Variants in DCAF4 observed in about 807,000 individuals in gnomAD.
DCAF4 encodes DDB1- and CUL4-associated factor 4.
In DCAF4, 37 loss-of-function variants were observed where a neutral mutation model predicts 60.9. The ratio of observed to expected loss-of-function variants is 0.61; its 90% CI spans 0.47 to 0.80. The LOEUF (loss-of-function observed/expected upper bound fraction) is 0.80, where lower values mean the gene tolerates loss of function less well. DCAF4 is among the 30% of genes least tolerant of loss of function. DCAF4 has a pLI of 0.00. For missense variants in DCAF4, 577 were observed against 650.0 expected, an observed-to-expected ratio of 0.89 and a Z score of 1.22; for synonymous variants, 243 against 254.8, an observed-to-expected ratio of 0.95 and a Z score of 0.44.
At chr14:72,956,343 C>A in intron 12 of DCAF4, 43 bp from the exon 13 acceptor site, 1 of 1,492,698 alleles carries the variant, frequency 6.7e-7, no homozygotes, top group Non-Finnish European at 9.0e-7. Context: ...CACCATGGTA[C>A]CCCCTGGCCC....
intron 2 of DCAF4, among the ~76,000 whole-genome samples, 195 bp from the exon 3 acceptor site, chr14:72,939,607 A>G (rs1889749177): frequency 6.6e-6 from 1 of 152,246 alleles, no homozygotes; most frequent in Admixed American, 6.5e-5. Flanking sequence ...TTAAAGAAAG[A>G]AAAAAGAATG....
chr14:72,954,023 T>C (rs1191742045), intron 9 of DCAF4, 141 bp from the exon 10 acceptor site: 1 of 839,474 alleles, frequency 1.2e-6, no homozygotes, highest in Non-Finnish European at 1.9e-6. Context: ...GAGTCTCTCT[T>C]GCAACCACAA....
chr14:72,936,144 C>G (rs1889235788), intron 1 of DCAF4, among the ~76,000 whole-genome samples: 1 of 152,208 alleles, frequency 6.6e-6, no homozygotes, highest in African/African-American at 2.4e-5. Context: ...TGCGCAGTCC[C>G]TTTCAGCTTG....
chr14:72,938,164 T>C (rs1164750552), intron 2 of DCAF4, 94 bp downstream of exon 2: 2 of 1,458,298 alleles, frequency 1.4e-6, no homozygotes, highest in Non-Finnish European at 9.1e-7. Context: ...GGAGATCACC[T>C]GGGGGCTCGT....
rs551497969 is a variant in DCAF4 at position 72,946,318 on chromosome 14, T to C, written c.678+291T>C. 2.4e-4 allele frequency among the ~76,000 whole-genome samples: 37 copies of C among 151,116 alleles called. No homozygotes were observed. The East Asian group carries it at 6.4e-3, about 26-fold the overall frequency. On this transcript the variant is annotated intron_variant, in intron 7 of 13. Transcript: ENST00000358377. Reference sequence around the variant, plus strand: ...CTCGGGGGGAGGTGAGGTGGGAAGATCACCTGAGCCCAGGAGATCAAGGCT... The same window carrying C: ...CTCGGGGGGAGGTGAGGTGGGAAGACCACCTGAGCCCAGGAGATCAAGGCT...
chr14:72,937,016 G>A (rs553414325), intron 1 of DCAF4, among the ~76,000 whole-genome samples: 1 of 152,322 alleles, frequency 6.6e-6, no homozygotes, highest in Admixed American at 6.5e-5. Flanking sequence ...AATAGCAAGA[G>A]CATTTTAGTA....
intron 1 of DCAF4, among the ~76,000 whole-genome samples, chr14:72,937,410 CTTTTTTTT>C (rs11288108): frequency 1.9e-5 from 2 of 105,752 alleles, no homozygotes; most frequent in Non-Finnish European, 3.6e-5. Flanking sequence ...TTTTTCTTTT[CTTTTTTTT>C]TTTTTTTTTT....
At chr14:72,928,565 C>A (rs1230635952) in intron 1 of DCAF4, among the ~76,000 whole-genome samples, 1 of 148,090 alleles carries the variant, frequency 6.8e-6, no homozygotes, top group Non-Finnish European at 1.5e-5. Flanking sequence ...ACTATTACAG[C>A]ATGGTGTAGT....
chr14:72,943,751 G>A (rs758290434), intron 6 of DCAF4, among the ~76,000 whole-genome samples: 3 of 152,156 alleles, frequency 2.0e-5, no homozygotes, highest in East Asian at 1.9e-4. Context: ...GGGCCTGCCC[G>A]GCAAGCCCTA....
intron 8 of DCAF4, among the ~76,000 whole-genome samples, chr14:72,947,765 C>T (rs897384277): frequency 6.6e-6 from 1 of 152,158 alleles, no homozygotes; most frequent in African/African-American, 2.4e-5. Context: ...TCTGTGGGCT[C>T]TGGGCCTCAG....
intron 13 of DCAF4, chr14:72,956,930 C>T (rs998745836): frequency 1.4e-5 from 3 of 212,058 alleles, no homozygotes; most frequent in African/African-American, 2.4e-5. Flanking sequence ...TTCTTGGCCC[C>T]GGCCCGGCGC....
At chr14:72,933,825 T>G (rs1454517317) in intron 1 of DCAF4, among the ~76,000 whole-genome samples, 1 of 152,212 alleles carries the variant, frequency 6.6e-6, no homozygotes, top group African/African-American at 2.4e-5. Flanking sequence ...TCACTTAACC[T>G]TTCTCAACTC....
intron 1 of DCAF4, among the ~76,000 whole-genome samples, chr14:72,937,714 T>G (rs1889474639): frequency 6.6e-6 from 1 of 152,228 alleles, no homozygotes; most frequent in South Asian, 2.1e-4. Context: ...CCACCGCGCC[T>G]GGCCGACCTG....
rs1892006291 is a variant in DCAF4 at position 72,954,481 on chromosome 14, A to G, written c.1003A>G (p.Met335Val). The G allele has an allele frequency of 1.9e-6, 3 of 1,614,106 alleles. No homozygotes were observed. Among genetic ancestry groups the G allele is most frequent in the South Asian group, 1.1e-5 (1 of 91,068 alleles). Reference sequence around the variant, plus strand: ...TGTCTTGGCCCAGCAGTTTGCTCTCATGGTTGGTTGGATTGGGACAGGCAG... The same window carrying G: ...TGTCTTGGCCCAGCAGTTTGCTCTCGTGGTTGGTTGGATTGGGACAGGCAG... ...SDVLAQQFAL[M>V]APLLFNGCRS... Residue 335 changes from methionine to valine, a missense_variant and splice_region_variant, in exon 11 of 14, where the codon ATG (methionine) becomes GTG (valine). Coordinates refer to ENST00000358377, the MANE Select transcript of DCAF4 (RefSeq NM_015604.4).
chr14:72,936,579 ATAC>A (rs1344456883), intron 1 of DCAF4, among the ~76,000 whole-genome samples: 3 of 151,254 alleles, frequency 2.0e-5, no homozygotes, highest in Non-Finnish European at 4.4e-5. Context: ...AAAAAAAAAA[ATAC>A]ACACACATTT....
chr14:72,928,117 A>C lies in DCAF4; in HGVS notation c.-9+1574A>C, dbSNP rs576658099. Among the ~76,000 whole-genome samples, 6 of 142,390 alleles carry C rather than the reference A, an allele frequency of 4.2e-5. No homozygotes were observed. In the South Asian group the frequency reaches 1.4e-3, roughly 33 times the overall value. The allele number at this position is 142,390 out of a possible 152,430, so 93.4% of individuals were successfully genotyped here. A position where few individuals can be genotyped will look rare whatever the true frequency, so the allele number is the denominator to read the frequency against. Reference sequence around the variant, plus strand: ...CCCTGGCCTGTAGAAGCTACTTTGTATTCAGCTTTACAGACCAGTGGCGTT... The same window carrying C: ...CCCTGGCCTGTAGAAGCTACTTTGTCTTCAGCTTTACAGACCAGTGGCGTT... On this transcript the variant is annotated intron_variant, in intron 1 of 13. Coordinates refer to ENST00000358377, the MANE Select transcript of DCAF4 (RefSeq NM_015604.4).
rs905121122 is a variant in DCAF4 at position 72,959,425 on chromosome 14, A to G, written c.*620A>G. On this transcript the variant is annotated 3_prime_UTR_variant, in exon 14 of 14. Transcript: ENST00000358377. ...AAGATGGATCTTCTTACATGCTAGA[A>G]GTTTTAAACGGTCCTTAACATGCCT... is the stretch of plus-strand genomic sequence containing the variant. 1.6e-5 allele frequency: 16 copies of G among 985,370 alleles called. No homozygotes were observed. Among genetic ancestry groups the G allele is most frequent in the Non-Finnish European group, 1.8e-5 (15 of 829,966 alleles). The allele number at this position is 985,370 out of a possible 1,614,324, so 61.0% of individuals were successfully genotyped here.
At chr14:72,946,752 G>A (rs1890791926) in intron 7 of DCAF4, among the ~76,000 whole-genome samples, 1 of 152,216 alleles carries the variant, frequency 6.6e-6, no homozygotes, top group Non-Finnish European at 1.5e-5. Context: ...AAGTTGCAGT[G>A]GGGTGATGGC....
chr14:72,958,732 T>TG lies in DCAF4; in HGVS notation c.1421dup (p.Ser475LeufsTer41), dbSNP rs767097413. On this transcript the variant is annotated frameshift_variant, in exon 14 of 14. Transcript: ENST00000358377. LOFTEE classifies it high-confidence loss of function. ...CCCAGTGTGGCCTTCTCGTCGCGGC[T>TG]GGGGGGCTCCCGGGGCGCGCCGGGG... The TG allele has an allele frequency of 2.1e-5, 34 of 1,613,218 alleles. No individual in the cohort carries two copies. The highest frequency in any genetic ancestry group is 2.9e-5 in the Non-Finnish European group (34 of 1,179,590).
Sources: allele counts gnomAD v4.1 joint callset (sites outside exome capture counted in the v4.1 genomes callset), GRCh38; gene constraint gnomAD v4.1.1; transcripts MANE v1.5; gene names NCBI Gene and HGNC (gene_info 2026-07-23, HGNC 2026-07-21).